Variants in TRABD2A observed in about 807,000 individuals in gnomAD.
The protein encoded by TRABD2A is TraB domain containing 2A, also known as metalloprotease TIKI1.
A neutral mutation model predicts 45.6 loss-of-function variants in TRABD2A; 43 were observed. The observed-to-expected ratio is 0.94, with a 90% CI of 0.74 to 1.22. The LOEUF (loss-of-function observed/expected upper bound fraction) is 1.22, where lower values mean the gene tolerates loss of function less well. Ranked by LOEUF, TRABD2A falls within the 50% of genes most tolerant of loss-of-function variation. The probability of loss-of-function intolerance (pLI) is 0.00; values close to 1 mark genes in which losing one functional copy is unlikely to be tolerated. For missense variants in TRABD2A, 642 were observed against 652.4 expected, an observed-to-expected ratio of 0.98 and a Z score of 0.17; for synonymous variants, 269 against 265.0, an observed-to-expected ratio of 1.02 and a Z score of -0.15.
At chr2:84,855,360 C>T (rs1437796538) in intron 2 of TRABD2A, among the ~76,000 whole-genome samples, 1 of 152,118 alleles carries the variant, frequency 6.6e-6, no homozygotes, top group African/African-American at 2.4e-5. Flanking sequence ...ACTTAATTTT[C>T]CCCTTGGAAA....
intron 5 of TRABD2A, among the ~76,000 whole-genome samples, chr2:84,826,955 T>C (rs890996843): frequency 5.3e-5 from 8 of 152,170 alleles, no homozygotes; most frequent in Non-Finnish European, 1.2e-4. Flanking sequence ...TCCAGGGAGA[T>C]CCTACAGACA....
chr2:84,868,995 A>G (rs940691232), intron 2 of TRABD2A, among the ~76,000 whole-genome samples: 1 of 152,256 alleles, frequency 6.6e-6, no homozygotes, highest in African/African-American at 2.4e-5. Context: ...CCCTTATCTT[A>G]TCTATAAATC....
At chr2:84,824,253 T>G in intron 5 of TRABD2A, 49 bp from the exon 6 acceptor site, 3 of 1,605,426 alleles carry the variant, frequency 1.9e-6, no homozygotes, top group Middle Eastern at 1.7e-4. Flanking sequence ...TCACACAGCA[T>G]GGCGCCCTCC....
intron 2 of TRABD2A, among the ~76,000 whole-genome samples, chr2:84,852,259 G>A (rs1433678562): frequency 6.6e-6 from 1 of 152,194 alleles, no homozygotes; most frequent in Non-Finnish European, 1.5e-5. Flanking sequence ...CACTGCAGCA[G>A]GCTCTCTTAG....
chr2:84,872,009 T>G (rs1682884405), intron 1 of TRABD2A, among the ~76,000 whole-genome samples: 2 of 152,182 alleles, frequency 1.3e-5, no homozygotes, highest in Non-Finnish European at 2.9e-5. Context: ...GCGGTGCATG[T>G]TCGTCTGAAG....
chr2:84,837,904 T>C (rs1681576020), intron 4 of TRABD2A: 1 of 280,890 alleles, frequency 3.6e-6, no homozygotes, highest in Admixed American at 5.0e-5. Context: ...CCCTATGGGA[T>C]TTTGCTTTTA....
At position 84,823,983 on chromosome 2, in the gene TRABD2A, A is replaced by T. The variant is rs758923721; in HGVS notation, c.1304T>A (p.Phe435Tyr). 1 of 1,613,884 alleles carries T rather than the reference A, an allele frequency of 6.2e-7. No individual in the cohort carries two copies. Among genetic ancestry groups the T allele is most frequent in the Non-Finnish European group, 8.5e-7 (1 of 1,179,874 alleles). ...RSQRRPRLRQ[F>Y]SDLWVRLEES... ...CTCCAGGCGGACCCACAGATCGCTGAATTGCCGGAGTCGCGGCCTCCGCTG... is the reference window on the plus strand; with the variant it reads ...CTCCAGGCGGACCCACAGATCGCTGTATTGCCGGAGTCGCGGCCTCCGCTG... Residue 435 changes from phenylalanine (F) to tyrosine (Y), a missense_variant, in exon 6 of 7, where the codon TTC (phenylalanine) becomes TAC (tyrosine). Phe to Tyr is a conservative substitution (Grantham distance 22). Coordinates refer to ENST00000409520, the MANE Select transcript of TRABD2A (RefSeq NM_001277053.2).
chr2:84,826,896 A>T (rs150144320), intron 5 of TRABD2A, among the ~76,000 whole-genome samples: 1 of 152,332 alleles, frequency 6.6e-6, no homozygotes, highest in Non-Finnish European at 1.5e-5. Context: ...AAGCTAATCC[A>T]TTCTCATTGT....
At position 84,839,296 on chromosome 2, in the gene TRABD2A, G is replaced by T. The variant is rs1681627720; in HGVS notation, c.844C>A (p.Pro282Thr). 1 of 1,611,824 alleles carries T rather than the reference G, an allele frequency of 6.2e-7. No individual in the cohort carries two copies. The highest frequency in any genetic ancestry group is 1.1e-5 in the South Asian group (1 of 90,704). The change falls in exon 4 of 7, where the codon CCA becomes ACA. Residue 282 changes from proline to threonine, a missense_variant. Physicochemically the swap from Pro to Thr is conservative, Grantham distance 38. Coordinates refer to ENST00000409520, the MANE Select transcript of TRABD2A (RefSeq NM_001277053.2). ...QVPNFINATL[P>T]PQERITAQEI... Reference sequence around the variant, plus strand: ...TGAGCAGTGATGCGCTCCTGAGGTGGTAGCGTGGCATTAATAAAATTGGGA... The same window carrying T: ...TGAGCAGTGATGCGCTCCTGAGGTGTTAGCGTGGCATTAATAAAATTGGGA...
intron 2 of TRABD2A, among the ~76,000 whole-genome samples, chr2:84,862,578 T>C (rs1682535110): frequency 6.6e-6 from 1 of 151,964 alleles, no homozygotes; most frequent in Non-Finnish European, 1.5e-5. Flanking sequence ...GGCATCCAGG[T>C]ACCTGTACAA....
At chr2:84,862,552 C>T (rs188271421) in intron 2 of TRABD2A, among the ~76,000 whole-genome samples, 1 of 152,214 alleles carries the variant, frequency 6.6e-6, no homozygotes, top group East Asian at 1.9e-4. Flanking sequence ...ATGGTCAGAA[C>T]CCCAGCAGCA....
intron 2 of TRABD2A, among the ~76,000 whole-genome samples, chr2:84,860,076 C>T (rs1346176526): frequency 6.6e-6 from 1 of 152,186 alleles, no homozygotes; most frequent in Non-Finnish European, 1.5e-5. Context: ...ACACTCTCCT[C>T]CCCACCACAC....
chr2:84,824,263 C>G, intron 5 of TRABD2A, 59 bp from the exon 6 acceptor site: 1 of 1,596,248 alleles, frequency 6.3e-7, no homozygotes, highest in African/African-American at 1.4e-5. Flanking sequence ...TGGCGCCCTC[C>G]CCAGCTCTCT....
At chr2:84,880,904 G>T in intron 1 of TRABD2A, 28 bp downstream of exon 1, 1 of 1,566,454 alleles carries the variant, frequency 6.4e-7, no homozygotes, top group East Asian at 2.4e-5. Context: ...AGAGAGGCCG[G>T]CTCTCCAGCA....
intron 5 of TRABD2A, among the ~76,000 whole-genome samples, chr2:84,824,440 G>T (rs1638429906): frequency 6.6e-6 from 1 of 151,856 alleles, no homozygotes; most frequent in African/African-American, 2.4e-5. Flanking sequence ...CCCTAGTCCT[G>T]GGGAGAAAGA....
At chr2:84,857,966 T>G (rs957470379) in intron 2 of TRABD2A, among the ~76,000 whole-genome samples, 6 of 152,126 alleles carry the variant, frequency 3.9e-5, no homozygotes, top group Non-Finnish European at 7.4e-5. Context: ...GCCTCAAACT[T>G]GTGGGCCCAA....
rs1465512359 is a variant in TRABD2A, at chr2:84,832,150, A to G, written c.992-5T>C. On this transcript the variant is annotated splice_region_variant and splice_polypyrimidine_tract_variant and intron_variant, in intron 4 of 6. Coordinates refer to ENST00000409520, the MANE Select transcript of TRABD2A (RefSeq NM_001277053.2). Reference sequence around the variant, plus strand: ...TGTTGTTGCCCATGAAATGACCTGCAGTGAGAAAAACAACCTGAAATGCTG... The same window carrying G: ...TGTTGTTGCCCATGAAATGACCTGCGGTGAGAAAAACAACCTGAAATGCTG... The G allele has an allele frequency of 1.2e-6, 2 of 1,614,018 alleles. No individual in the cohort carries two copies. Among genetic ancestry groups the G allele is most frequent in the Admixed American group, 1.7e-5 (1 of 60,032 alleles).
At chr2:84,853,327 TGAG>T in intron 2 of TRABD2A, among the ~76,000 whole-genome samples, 1 of 152,246 alleles carries the variant, frequency 6.6e-6, no homozygotes, top group Non-Finnish European at 1.5e-5. Context: ...TTTGAAGGGC[TGAG>T]GAGGCCTCAG....
chr2:84,843,545 T>C (rs1681781037), intron 2 of TRABD2A: 2 of 152,260 alleles, frequency 1.3e-5, no homozygotes, highest in Admixed American at 6.5e-5. Flanking sequence ...GGGTAATTTA[T>C]GAGGAACAGA....
Sources: gnomAD v4.1 joint callset for allele counts (sites outside exome capture counted in the v4.1 genomes callset) on GRCh38, gnomAD v4.1.1 for gene constraint, MANE v1.5 for transcripts, NCBI Gene and HGNC (gene_info 2026-07-23, HGNC 2026-07-21) for gene names.